Variants in PRKCA observed in about 807,000 individuals in gnomAD.
PRKCA encodes protein kinase C alpha type.
PRKCA carries 27 observed loss-of-function variants against 87.0 expected under a neutral mutation model. The ratio of observed to expected loss-of-function variants is 0.31; its 90% CI spans 0.23 to 0.43. The LOEUF (loss-of-function observed/expected upper bound fraction) is 0.43, where lower values mean the gene tolerates loss of function less well. Among genes scored for constraint, PRKCA ranks in the 20% least tolerant of loss-of-function variants. The pLI, the probability that PRKCA is intolerant of heterozygous loss-of-function variation, is 1.00. For synonymous variants in PRKCA, 329 were observed against 311.1 expected (o/e 1.06, Z -0.61); for missense variants, 518 against 852.3 (o/e 0.61, Z 4.88).
chr17:66,729,027 T>A (rs1973822462), intron 8 of PRKCA, among the ~76,000 whole-genome samples: 1 of 152,232 alleles, frequency 6.6e-6, no homozygotes. Context: ...TTCTGGTAAC[T>A]TTTTTCTTAT....
At chr17:66,510,068 A>C (rs766081574) in intron 3 of PRKCA, among the ~76,000 whole-genome samples, 14 of 152,060 alleles carry the variant, frequency 9.2e-5, no homozygotes. Context: ...TTTAGTTTCT[A>C]TCTCTAGTGA....
At chr17:66,414,384 CTTCTGCCATGA>C (rs1912009836) in intron 2 of PRKCA, among the ~76,000 whole-genome samples, 1 of 152,218 alleles carries the variant, frequency 6.6e-6, no homozygotes, top group African/African-American at 2.4e-5. Context: ...CCCGCTTTGC[CTTCTGCCATGA>C]TTGTAAGTTC....
At chr17:66,385,077 G>C (rs1404957203) in intron 2 of PRKCA, among the ~76,000 whole-genome samples, 1 of 152,206 alleles carries the variant, frequency 6.6e-6, no homozygotes, top group Non-Finnish European at 1.5e-5. Context: ...CCCAGGATTA[G>C]GTGTGCTCCT....
chr17:66,614,225 C>T, intron 3 of PRKCA, among the ~76,000 whole-genome samples: 1 of 152,112 alleles, frequency 6.6e-6, no homozygotes, highest in East Asian at 1.9e-4. Context: ...CCTGGCCACT[C>T]CATTTTTGAG....
At chr17:66,459,713 A>C (rs1914756530) in intron 2 of PRKCA, among the ~76,000 whole-genome samples, 2 of 152,204 alleles carry the variant, frequency 1.3e-5, no homozygotes, top group African/African-American at 4.8e-5. Flanking sequence ...CTGTGTTTAT[A>C]GACCCGACTC....
chr17:66,581,031 G>A (rs148969601), intron 3 of PRKCA, among the ~76,000 whole-genome samples: 1 of 152,138 alleles, frequency 6.6e-6, no homozygotes, highest in South Asian at 2.1e-4. Context: ...TTACCCATCC[G>A]GGGTCAAACC....
chr17:66,529,316 C>T (rs942265651), intron 3 of PRKCA, among the ~76,000 whole-genome samples: 2 of 152,140 alleles, frequency 1.3e-5, no homozygotes, highest in South Asian at 2.1e-4. Flanking sequence ...TAAGACTAAC[C>T]GCTCACTTCC....
Position 66,689,048 on chromosome 17 carries a change from G to A in PRKCA, c.918+1G>A. 7 of 1,584,514 alleles carry A rather than the reference G, an allele frequency of 4.4e-6. No homozygotes were observed. The highest frequency in any genetic ancestry group is 6.0e-6 in the Non-Finnish European group (7 of 1,162,512). Reference sequence around the variant, plus strand: ...CATGGAACTCAGGCAGAAATTCGAGGTGAGGATAACAAAATGCCCGGAAAC... The same window carrying A: ...CATGGAACTCAGGCAGAAATTCGAGATGAGGATAACAAAATGCCCGGAAAC... On this transcript the variant is annotated splice_donor_variant, in intron 8 of 16. Coordinates refer to ENST00000413366, the MANE Select transcript of PRKCA (RefSeq NM_002737.3). LOFTEE classifies it high-confidence loss of function. The surrounding 1 kb of genome is among the most constrained non-coding windows in gnomAD (Gnocchi z 4.1).
chr17:66,409,752 A>G (rs1257217912), intron 2 of PRKCA, among the ~76,000 whole-genome samples: 1 of 152,028 alleles, frequency 6.6e-6, no homozygotes, highest in Middle Eastern at 3.2e-3. Flanking sequence ...ACACGGTGAA[A>G]CCCCGTCTCC....
intron 3 of PRKCA, among the ~76,000 whole-genome samples, chr17:66,530,177 AAC>A (rs1441183749): frequency 6.6e-6 from 1 of 152,238 alleles, no homozygotes; most frequent in Non-Finnish European, 1.5e-5. Flanking sequence ...AAAGATTTTG[AAC>A]AGTCATGGTG....
chr17:66,315,309 T>C (rs1408698951), intron 2 of PRKCA, among the ~76,000 whole-genome samples: 1 of 152,080 alleles, frequency 6.6e-6, no homozygotes, highest in Non-Finnish European at 1.5e-5. Flanking sequence ...AGCCACATAG[T>C]TAGAAAATGG....
chr17:66,688,908 G>C (rs763230572), intron 7 of PRKCA, 43 bp from the exon 8 acceptor site: 1 of 1,319,898 alleles, frequency 7.6e-7, no homozygotes, highest in African/African-American at 1.4e-5. Flanking sequence ...GGAAAGGCTT[G>C]TTAAACTTGC....
At chr17:66,727,585 G>A (rs1419838373) in intron 8 of PRKCA, among the ~76,000 whole-genome samples, 2 of 152,090 alleles carry the variant, frequency 1.3e-5, no homozygotes, top group African/African-American at 4.8e-5. Context: ...AGCTTATGCA[G>A]TTATTTCAAC....
chr17:66,738,647 A>T, intron 10 of PRKCA, 117 bp from the exon 11 acceptor site: 1 of 795,370 alleles, frequency 1.3e-6, no homozygotes. Flanking sequence ...AACTGAGCAC[A>T]TCTGCCCATG....
chr17:66,746,745 T>C (rs1326664901), intron 13 of PRKCA, among the ~76,000 whole-genome samples: 1 of 152,196 alleles, frequency 6.6e-6, no homozygotes, highest in Admixed American at 6.5e-5. Context: ...CAGAAAATGA[T>C]TCCTAAAGCT....
Position 66,731,749 on chromosome 17 carries a change from C to A in PRKCA, c.919-939C>A, listed in dbSNP as rs374167420. On this transcript the variant is annotated intron_variant, in intron 8 of 16. Coordinates refer to ENST00000413366, the MANE Select transcript of PRKCA (RefSeq NM_002737.3). Reference sequence around the variant, plus strand: ...AGGCAGTGACCAGATATTCTTCAGGCGCAAAGGGCGCCTTGTGCTCCCTTT... The same window carrying A: ...AGGCAGTGACCAGATATTCTTCAGGAGCAAAGGGCGCCTTGTGCTCCCTTT... Among the ~76,000 whole-genome samples the A allele has an allele frequency of 1.5e-4, 22 of 146,768 alleles. No individual in the cohort carries two copies. The South Asian group carries it at 1.8e-3, about 12-fold the overall frequency.
At chr17:66,474,883 C>T (rs1915475536) in intron 2 of PRKCA, among the ~76,000 whole-genome samples, 2 of 152,144 alleles carry the variant, frequency 1.3e-5, no homozygotes. Flanking sequence ...GCAGGATCTG[C>T]AGCAGCAACA....
At chr17:66,397,499 A>G (rs1040120162) in intron 2 of PRKCA, among the ~76,000 whole-genome samples, 3 of 151,450 alleles carry the variant, frequency 2.0e-5, no homozygotes, top group African/African-American at 7.3e-5. Context: ...ATCTTTAAAA[A>G]CGTTTTCTGT....
At chr17:66,424,954 G>T (rs939211946) in intron 2 of PRKCA, among the ~76,000 whole-genome samples, 7 of 151,940 alleles carry the variant, frequency 4.6e-5, no homozygotes, top group African/African-American at 1.7e-4. Context: ...TAGAGATGGG[G>T]TTTTACTGTG....
Sources: gnomAD v4.1 joint callset for allele counts (sites outside exome capture counted in the v4.1 genomes callset) on GRCh38, gnomAD v4.1.1 for gene constraint, Gnocchi (gnomAD v3.1) non-coding constraint, MANE v1.5 for transcripts, NCBI Gene and HGNC (gene_info 2026-07-23, HGNC 2026-07-21) for gene names.